The following ATP11C variants were observed in gnomAD, a reference collection of about 807,000 sequenced individuals.
The protein encoded by ATP11C is phospholipid-transporting ATPase IG.
ATP11C carries 36 observed loss-of-function variants against 97.4 expected under a neutral mutation model. The observed-to-expected ratio is 0.37, with a 90% confidence interval of 0.28 to 0.49. The LOEUF is 0.49. Ranked by LOEUF, ATP11C falls within the 20% of genes least tolerant of loss-of-function variation. The pLI, the probability that ATP11C is intolerant of heterozygous loss-of-function variation, is 0.98. For missense variants in ATP11C, 730 were observed against 824.6 expected, an observed-to-expected ratio of 0.89 and a Z score of 1.40; for synonymous variants, 275 against 290.9, an observed-to-expected ratio of 0.95 and a Z score of 0.56.
chrX:139,852,238 C>T (rs909322312), intron 1 of ATP11C, among the ~76,000 whole-genome samples: 2 of 109,961 alleles, frequency 1.8e-5, no homozygotes, highest in Admixed American at 9.7e-5. Context: ...TACCTTGCAC[C>T]GCTGAGAATT....
At chrX:139,888,395 T>C (rs2084679579) in intron 1 of ATP11C, among the ~76,000 whole-genome samples, 1 of 111,001 alleles carries the variant, frequency 9.0e-6, no homozygotes, top group Non-Finnish European at 1.9e-5. Flanking sequence ...GGCCCCAAAG[T>C]GCTGAGATTA....
chrX:139,843,912 GA>G (rs199615238), intron 1 of ATP11C, among the ~76,000 whole-genome samples: 7,410 of 76,798 alleles, frequency 0.096, 350 homozygotes, highest in East Asian at 0.35. Context: ...TTCTGACAAA[GA>G]AAAAAAAAAA....
At chrX:139,856,715 T>C (rs1304620429) in intron 1 of ATP11C, among the ~76,000 whole-genome samples, 1 of 112,324 alleles carries the variant, frequency 8.9e-6, no homozygotes, top group Admixed American at 9.4e-5. Context: ...GATTTGTCAA[T>C]ATTTTGGTGG....
chrX:139,752,066 T>C (rs1227671256), intron 23 of ATP11C, among the ~76,000 whole-genome samples: 5 of 111,424 alleles, frequency 4.5e-5, no homozygotes, highest in Non-Finnish European at 9.4e-5. Flanking sequence ...CTGGTACTCT[T>C]TTACCTTCCT....
intron 1 of ATP11C, among the ~76,000 whole-genome samples, chrX:139,898,411 T>G (rs373086456): frequency 9.0e-6 from 1 of 111,600 alleles, no homozygotes; most frequent in Admixed American, 9.6e-5. Flanking sequence ...AAAAACCATT[T>G]TAGCAAGTGA....
chrX:139,833,276 A>T (rs2083688085), intron 1 of ATP11C, among the ~76,000 whole-genome samples: 1 of 112,404 alleles, frequency 8.9e-6, no homozygotes, highest in Admixed American at 9.4e-5. Flanking sequence ...AATGTAATTA[A>T]TTTAAAGAGC....
chrX:139,914,084 A>ATGAT, intron 1 of ATP11C, among the ~76,000 whole-genome samples: 1 of 112,179 alleles, frequency 8.9e-6, no homozygotes, highest in Non-Finnish European at 1.9e-5. Flanking sequence ...GCTGGGAAAT[A>ATGAT]ACTTAGATAT....
intron 2 of ATP11C, among the ~76,000 whole-genome samples, chrX:139,821,061 A>C (rs2083399340): frequency 9.0e-6 from 1 of 111,228 alleles, no homozygotes; most frequent in Non-Finnish European, 1.9e-5. Context: ...ACGACATACT[A>C]TATGGGAATT....
intron 1 of ATP11C, among the ~76,000 whole-genome samples, chrX:139,922,167 T>C (rs980716314): frequency 1.0e-5 from 1 of 98,776 alleles, no homozygotes; most frequent in Non-Finnish European, 2.0e-5. Context: ...ATTGTGCCAC[T>C]GCACTCCAGC....
At chrX:139,758,643 T>A (rs956328079) in intron 22 of ATP11C, among the ~76,000 whole-genome samples, 1 of 112,305 alleles carries the variant, frequency 8.9e-6, no homozygotes, top group African/African-American at 3.2e-5. Flanking sequence ...TATAAAATAC[T>A]GAAAGTAATG....
At chrX:139,830,808 T>C (rs1299499595) in intron 1 of ATP11C, among the ~76,000 whole-genome samples, 2 of 111,622 alleles carry the variant, frequency 1.8e-5, no homozygotes, top group African/African-American at 6.5e-5. Flanking sequence ...AACAGCATAG[T>C]GTCTTAAAAA....
At chrX:139,863,052 C>T (rs1052797555) in intron 1 of ATP11C, among the ~76,000 whole-genome samples, 11 of 110,954 alleles carry the variant, frequency 9.9e-5, no homozygotes, top group Non-Finnish European at 1.9e-4. Context: ...ACATAGGACT[C>T]GCTTTACAGT....
At position 139,782,657 on chromosome X, in the gene ATP11C, C is replaced by G; in HGVS notation, c.1842G>C (p.Gln614His). 1 of 1,205,630 alleles carries G rather than the reference C, an allele frequency of 8.3e-7. No individual in the cohort carries two copies. The highest frequency in any genetic ancestry group is 1.8e-5 in the South Asian group (1 of 56,530). The change falls in exon 18 of 30, where the codon CAG (glutamine) becomes CAC (histidine). Residue 614 changes from glutamine (Q) to histidine (H), a missense_variant. By Grantham distance (24) the Gln-to-His change is conservative (BLOSUM62 0). Transcript: ENST00000682941. ...GTAAGGCCATTTTTGCCTCTATGAG[C>G]TGTCTGTTAATTCTTTCATAATCAT... ...APDDYERINR[Q>H]LIEAKMALQD...
In ATP11C at chrX:139,816,588, T is replaced by C. The variant is rs1227499046; in HGVS notation, c.318+275A>G. On this transcript the variant is annotated intron_variant, in intron 4 of 29. Coordinates refer to ENST00000682941, the MANE Select transcript of ATP11C (RefSeq NM_001353812.2). ...ACCACGCTGAAACAATTAATATGCATTAAAAAATCTGCCTCCTATTTCCTG... is the reference window on the plus strand; with the variant it reads ...ACCACGCTGAAACAATTAATATGCACTAAAAAATCTGCCTCCTATTTCCTG... Among the ~76,000 whole-genome samples, 19 of 112,218 alleles carry C rather than the reference T, an allele frequency of 1.7e-4. No homozygotes were observed. In the Admixed American group the frequency reaches 1.7e-3, roughly 10 times the overall value.
At chrX:139,820,399 C>G (rs1177688921) in intron 2 of ATP11C, among the ~76,000 whole-genome samples, 1 of 109,814 alleles carries the variant, frequency 9.1e-6, no homozygotes, top group East Asian at 2.9e-4. Context: ...AGACCTGCCT[C>G]AAAAATAAAT....
intron 1 of ATP11C, among the ~76,000 whole-genome samples, chrX:139,906,888 A>T (rs1336281541): frequency 9.0e-6 from 1 of 111,606 alleles, no homozygotes; most frequent in Non-Finnish European, 1.9e-5. Context: ...TTCCACGCTA[A>T]CTACTTTCTG....
At chrX:139,771,222 C>G (rs1018513045) in intron 19 of ATP11C, among the ~76,000 whole-genome samples, 1 of 111,465 alleles carries the variant, frequency 9.0e-6, no homozygotes, top group Admixed American at 9.5e-5. Context: ...ATGGGTTTAT[C>G]GGGTTTCCGC....
At chrX:139,912,977 T>C (rs987574670) in intron 1 of ATP11C, among the ~76,000 whole-genome samples, 16 of 111,867 alleles carry the variant, frequency 1.4e-4, no homozygotes, top group African/African-American at 5.2e-4. Context: ...CTCTCAGCCT[T>C]AGGTTGAATC....
At chrX:139,787,486 C>T (rs2082599654) in intron 14 of ATP11C, among the ~76,000 whole-genome samples, 1 of 111,352 alleles carries the variant, frequency 9.0e-6, no homozygotes, top group Non-Finnish European at 1.9e-5. Flanking sequence ...TTAGTAGAGA[C>T]AGAGTTTCAC....
Sources: gnomAD v4.1 joint callset for allele counts (sites outside exome capture counted in the v4.1 genomes callset) on GRCh38, gnomAD v4.1.1 for gene constraint, MANE v1.5 for transcripts, NCBI Gene and HGNC (gene_info 2026-07-23, HGNC 2026-07-21) for gene names.